The following NAALADL2 variants were observed in gnomAD, a reference collection of about 807,000 sequenced individuals.
NAALADL2 encodes the protein N-acetylated alpha-linked acidic dipeptidase like 2.
A neutral mutation model predicts 87.2 loss-of-function variants in NAALADL2; 76 were observed. That is an observed-to-expected ratio of 0.87 (90% CI 0.72 to 1.05). NAALADL2 has a LOEUF of 1.05. NAALADL2 is among the 50% of genes least tolerant of loss of function. NAALADL2 has a pLI of 0.00. For synonymous variants in NAALADL2, 354 were observed against 331.0 expected (o/e 1.07, Z -0.75); for missense variants, 1,089 against 945.8 (o/e 1.15, Z -1.99).
At chr3:175,308,868 T>G (rs2110284378) in intron 4 of NAALADL2, among the ~76,000 whole-genome samples, 1 of 152,300 alleles carries the variant, frequency 6.6e-6, no homozygotes, top group Middle Eastern at 3.4e-3. Flanking sequence ...TCTTTCTAAT[T>G]AGTGAAATTC....
chr3:175,683,722 T>C (rs1021139187), intron 11 of NAALADL2, among the ~76,000 whole-genome samples: 2 of 152,024 alleles, frequency 1.3e-5, no homozygotes, highest in South Asian at 2.1e-4. Flanking sequence ...TTTCTTTTAG[T>C]TTCTGATTCT....
At chr3:175,514,719 A>C (rs142713120) in intron 9 of NAALADL2, among the ~76,000 whole-genome samples, 1 of 152,306 alleles carries the variant, frequency 6.6e-6, no homozygotes, top group African/African-American at 2.4e-5. Flanking sequence ...AAGCACACAG[A>C]GTCTGTGGCA....
intron 2 of NAALADL2, among the ~76,000 whole-genome samples, chr3:175,184,180 A>G (rs565750056): frequency 3.3e-5 from 5 of 151,970 alleles, no homozygotes; most frequent in African/African-American, 1.2e-4. Context: ...TAAAATTTTC[A>G]TTGTAGGATC....
intron 1 of NAALADL2, among the ~76,000 whole-genome samples, chr3:174,872,733 T>TACACACACACAC (rs140990241): frequency 1.3e-5 from 2 of 148,430 alleles, no homozygotes; most frequent in Non-Finnish European, 3.0e-5. Context: ...CACACACACA[T>TACACACACACAC]ACACACACAC....
intron 5 of NAALADL2, among the ~76,000 whole-genome samples, chr3:175,343,155 G>A (rs1185866845): frequency 6.6e-6 from 1 of 151,708 alleles, no homozygotes; most frequent in Non-Finnish European, 1.5e-5. Context: ...TTTCTATTGT[G>A]CACATTAAAA....
chr3:174,464,008 A>AT (rs1293004571), intron 1 of NAALADL2, among the ~76,000 whole-genome samples: 1 of 152,212 alleles, frequency 6.6e-6, no homozygotes, highest in Non-Finnish European at 1.5e-5. Context: ...AAAGTAAGAA[A>AT]TACACTGAAT....
At chr3:175,133,685 T>C (rs1436787347) in intron 2 of NAALADL2, among the ~76,000 whole-genome samples, 5 of 152,200 alleles carry the variant, frequency 3.3e-5, no homozygotes, top group Admixed American at 2.6e-4. Flanking sequence ...CAGTCCAGCT[T>C]CGGCTTGGCA....
intron 9 of NAALADL2, among the ~76,000 whole-genome samples, chr3:175,562,958 G>GTC (rs1716511521): frequency 6.6e-6 from 1 of 151,432 alleles, no homozygotes; most frequent in South Asian, 2.1e-4. Context: ...GGAGGGGTGT[G>GTC]TGTGTGTGTG....
intron 13 of NAALADL2, among the ~76,000 whole-genome samples, chr3:175,766,984 G>A (rs931488697): frequency 2.0e-5 from 3 of 152,130 alleles, no homozygotes; most frequent in Non-Finnish European, 2.9e-5. Flanking sequence ...CAATAGGCAC[G>A]ATTCTATAAA....
At chr3:175,324,422 T>G (rs938838549) in intron 5 of NAALADL2, 97 bp downstream of exon 5, 27 of 929,054 alleles carry the variant, frequency 2.9e-5, no homozygotes, top group Non-Finnish European at 4.1e-5. Flanking sequence ...TGATGTCAAA[T>G]AATTCTTAGC....
intron 3 of NAALADL2, among the ~76,000 whole-genome samples, chr3:174,802,381 G>T (rs1029727958): frequency 6.6e-6 from 1 of 152,094 alleles, no homozygotes. Context: ...AGAAATATAG[G>T]AGAGGAAGTA....
At position 175,705,557 on chromosome 3, in the gene NAALADL2, A is replaced by G. The variant is rs561472029; in HGVS notation, c.1897-31749A>G. 7.8e-4 allele frequency among the ~76,000 whole-genome samples: 119 copies of G among 151,694 alleles called. 1 individual carries two copies. The highest frequency in any genetic ancestry group is 1.5e-3 in the South Asian group (7 of 4,606). On this transcript the variant is annotated intron_variant, in intron 11 of 13. Coordinates refer to ENST00000454872, the MANE Select transcript of NAALADL2 (RefSeq NM_207015.3). ...GGAGAAAGAGAAGAAAGAAGAAGAA[A>G]AAAAAAAAACTAACACTGATTGGGT...
chr3:175,789,291 T>G (rs1388466364), intron 13 of NAALADL2, among the ~76,000 whole-genome samples: 1 of 152,176 alleles, frequency 6.6e-6, no homozygotes, highest in Admixed American at 6.5e-5. Context: ...TTTCTAAATT[T>G]TCTTAGATAT....
At chr3:174,611,380 C>T (rs993054671) in intron 2 of NAALADL2, among the ~76,000 whole-genome samples, 1 of 151,992 alleles carries the variant, frequency 6.6e-6, no homozygotes, top group Non-Finnish European at 1.5e-5. Flanking sequence ...TTAACTTTAT[C>T]CCTCTGCTCT....
intron 2 of NAALADL2, among the ~76,000 whole-genome samples, chr3:175,224,449 G>A (rs73045218): frequency 0.014 from 2,094 of 152,224 alleles, 55 homozygotes; most frequent in African/African-American, 0.048. Flanking sequence ...GTTAGAATGT[G>A]TTAATATGTA....
At chr3:175,411,387 G>A (rs1297204057) in intron 5 of NAALADL2, among the ~76,000 whole-genome samples, 1 of 152,138 alleles carries the variant, frequency 6.6e-6, no homozygotes, top group Non-Finnish European at 1.5e-5. Flanking sequence ...TAGAAATACT[G>A]GTCTGATTTT....
intron 1 of NAALADL2, among the ~76,000 whole-genome samples, chr3:175,061,952 T>A (rs1175954586): frequency 6.6e-6 from 1 of 152,008 alleles, no homozygotes; most frequent in Non-Finnish European, 1.5e-5. Context: ...ACTCATACAT[T>A]ATGGTAGCAG....
At chr3:174,794,981 CTTTTTTTTTT>C (rs772447340) in intron 3 of NAALADL2, among the ~76,000 whole-genome samples, 9 of 66,696 alleles carry the variant, frequency 1.3e-4, no homozygotes, top group East Asian at 1.3e-3. Context: ...TCTAGTCCAG[CTTTTTTTTTT>C]TTTTTTTTTT....
In NAALADL2 at chr3:175,755,276, G is replaced by A; in HGVS notation, c.2047G>A (p.Ala683Thr). The A allele has an allele frequency of 6.2e-7, 1 of 1,613,612 alleles. No homozygotes were observed. The highest frequency in any genetic ancestry group is 8.5e-7 in the Non-Finnish European group (1 of 1,179,742). Reference protein sequence around the residue: ...LAMALRLRESAELFQSDEMRP... With the variant: ...LAMALRLRESTELFQSDEMRP... ...CATGGCGTTACGCCTGCGGGAGAGT[G>A]CTGAACTTTTTCAGTCTGATGAGAT... The change falls in exon 13 of 14, where the codon GCT (alanine) becomes ACT (threonine). Residue 683 changes from alanine (A) to threonine (T), a missense_variant. Transcript: ENST00000454872.
Sources: allele counts gnomAD v4.1 joint callset (sites outside exome capture counted in the v4.1 genomes callset), GRCh38; gene constraint gnomAD v4.1.1; transcripts MANE v1.5; gene names NCBI Gene and HGNC (gene_info 2026-07-23, HGNC 2026-07-21).